Variants in CPEB3 observed in about 807,000 individuals in gnomAD.
CPEB3 encodes the protein cytoplasmic polyadenylation element-binding protein 3.
CPEB3 carries 20 observed loss-of-function variants against 67.2 expected under a neutral mutation model. The ratio of observed to expected loss-of-function variants is 0.30; its 90% confidence interval spans 0.21 to 0.43. The LOEUF (loss-of-function observed/expected upper bound fraction) is 0.43. CPEB3 is among the 20% of genes least tolerant of loss of function. The pLI, the probability that CPEB3 is intolerant of heterozygous loss-of-function variation, is 1.00. For synonymous variants in CPEB3, 376 were observed against 393.1 expected (o/e 0.96, Z 0.51); for missense variants, 746 against 968.6 (o/e 0.77, Z 3.05).
intron 9 of CPEB3, among the ~76,000 whole-genome samples, chr10:92,068,156 G>A (rs566268352): frequency 6.6e-6 from 1 of 152,280 alleles, no homozygotes; most frequent in African/African-American, 2.4e-5. Context: ...GGAGTGCAAA[G>A]AGTTCTATGA....
At chr10:92,084,603 G>A (rs187198653) in intron 8 of CPEB3, among the ~76,000 whole-genome samples, 90 of 151,954 alleles carry the variant, frequency 5.9e-4, no homozygotes, top group Middle Eastern at 3.4e-3. Context: ...TTTTTGAGAC[G>A]GAGTCTCACT....
intron 8 of CPEB3, among the ~76,000 whole-genome samples, chr10:92,082,533 G>C (rs1034738781): frequency 1.3e-5 from 2 of 152,102 alleles, no homozygotes; most frequent in Non-Finnish European, 2.9e-5. Flanking sequence ...TCCAGCCTTG[G>C]CCTCCCAAAG....
chr10:92,074,423 C>A (rs574475979), intron 9 of CPEB3, among the ~76,000 whole-genome samples: 1 of 152,288 alleles, frequency 6.6e-6, no homozygotes, highest in South Asian at 2.1e-4. Context: ...GGACACTAAA[C>A]AAAGCATTAT....
At chr10:92,123,549 T>C (rs1370101154) in intron 6 of CPEB3, among the ~76,000 whole-genome samples, 1 of 152,208 alleles carries the variant, frequency 6.6e-6, no homozygotes, top group African/African-American at 2.4e-5. Context: ...TTGCTCAATG[T>C]CATATAGCTA....
At chr10:92,213,402 T>C (rs1054132263) in intron 2 of CPEB3, among the ~76,000 whole-genome samples, 9 of 152,120 alleles carry the variant, frequency 5.9e-5, no homozygotes, top group African/African-American at 2.2e-4. Context: ...ACAGAAACAA[T>C]GATGATCGGT....
intron 7 of CPEB3, 105 bp from the exon 8 acceptor site, chr10:92,092,049 C>T (rs1331225345): frequency 5.4e-6 from 4 of 734,124 alleles, no homozygotes; most frequent in Non-Finnish European, 9.6e-6. Context: ...TCACAATGAA[C>T]ATGACCCAAA....
chr10:92,196,695 G>A (rs1849251864), intron 2 of CPEB3, among the ~76,000 whole-genome samples: 1 of 151,872 alleles, frequency 6.6e-6, no homozygotes, highest in African/African-American at 2.4e-5. Flanking sequence ...TTGAACTGGG[G>A]AGGCGGAGGT....
At chr10:92,177,411 C>T (rs900175206) in intron 4 of CPEB3, among the ~76,000 whole-genome samples, 3 of 152,162 alleles carry the variant, frequency 2.0e-5, no homozygotes, top group Non-Finnish European at 4.4e-5. Flanking sequence ...CTTCTATATT[C>T]TGTAATACTT....
chr10:92,145,320 T>C (rs1218014259), intron 4 of CPEB3, among the ~76,000 whole-genome samples: 3 of 152,042 alleles, frequency 2.0e-5, no homozygotes, highest in African/African-American at 4.8e-5. Flanking sequence ...GATGACCAGA[T>C]TGCTAACTAA....
intron 2 of CPEB3, among the ~76,000 whole-genome samples, chr10:92,229,554 A>T (rs1463916582): frequency 6.6e-6 from 1 of 152,190 alleles, no homozygotes; most frequent in Non-Finnish European, 1.5e-5. Context: ...GCTGTCATAA[A>T]CCTTTTATGT....
At chr10:92,172,830 G>A (rs550653201) in intron 4 of CPEB3, among the ~76,000 whole-genome samples, 4 of 152,172 alleles carry the variant, frequency 2.6e-5, no homozygotes, top group Non-Finnish European at 5.9e-5. Flanking sequence ...AAAAACCATA[G>A]TAAGCATTAC....
chr10:92,083,995 AACACG>A (rs1843265244), intron 8 of CPEB3, among the ~76,000 whole-genome samples: 1 of 152,212 alleles, frequency 6.6e-6, no homozygotes, highest in African/African-American at 2.4e-5. Flanking sequence ...CATCCTGGCT[AACACG>A]GTGAAACCCC....
At chr10:92,131,780 C>T (rs1039572790) in intron 6 of CPEB3, among the ~76,000 whole-genome samples, 2 of 152,082 alleles carry the variant, frequency 1.3e-5, no homozygotes, top group African/African-American at 4.8e-5. Flanking sequence ...AGTCAACATA[C>T]GTTTTCTGTA....
intron 2 of CPEB3, among the ~76,000 whole-genome samples, chr10:92,231,229 C>T (rs533293768): frequency 6.6e-6 from 1 of 152,152 alleles, no homozygotes; most frequent in African/African-American, 2.4e-5. Context: ...CCCTAATATA[C>T]AAAGTGCCTT....
intron 1 of CPEB3, among the ~76,000 whole-genome samples, chr10:92,264,787 C>T (rs1373209365): frequency 1.3e-5 from 2 of 151,760 alleles, no homozygotes; most frequent in African/African-American, 2.4e-5. Context: ...CACAATGTTT[C>T]ATACCTGTAA....
intron 6 of CPEB3, among the ~76,000 whole-genome samples, chr10:92,139,515 G>GT (rs1846287622): frequency 7.1e-6 from 1 of 140,752 alleles, no homozygotes; most frequent in Non-Finnish European, 1.5e-5. Context: ...ATAGAATGAT[G>GT]TAAGTTACCA....
At chr10:92,247,410 G>T (rs1026409556) in intron 1 of CPEB3, among the ~76,000 whole-genome samples, 10 of 151,386 alleles carry the variant, frequency 6.6e-5, no homozygotes, top group African/African-American at 2.4e-4. Context: ...TTTATTATTT[G>T]TTTTGAGATG....
At chr10:92,229,391 A>G (rs944379910) in intron 2 of CPEB3, among the ~76,000 whole-genome samples, 1 of 152,208 alleles carries the variant, frequency 6.6e-6, no homozygotes, top group African/African-American at 2.4e-5. Context: ...CATTCTAGTC[A>G]GTTCTATTGT....
At chr10:92,154,317 A>C (rs1847104190) in intron 4 of CPEB3, among the ~76,000 whole-genome samples, 1 of 152,196 alleles carries the variant, frequency 6.6e-6, no homozygotes, top group Non-Finnish European at 1.5e-5. Context: ...CAAATTCAAA[A>C]TAGATATAAA....
Sources: gnomAD v4.1 joint callset for allele counts (sites outside exome capture counted in the v4.1 genomes callset) on GRCh38, gnomAD v4.1.1 for gene constraint, MANE v1.5 for transcripts, NCBI Gene and HGNC (gene_info 2026-07-23, HGNC 2026-07-21) for gene names.